The following SCAF11 variants were observed in gnomAD, a reference collection of about 807,000 sequenced individuals.
SCAF11 encodes protein SCAF11.
SCAF11 carries 47 observed loss-of-function variants against 140.5 expected under a neutral mutation model. The ratio of observed to expected loss-of-function variants is 0.33; its 90% CI spans 0.26 to 0.43. The LOEUF (loss-of-function observed/expected upper bound fraction) is 0.43, where lower values mean the gene tolerates loss of function less well. Among genes scored for constraint, SCAF11 ranks in the 20% least tolerant of loss-of-function variants. The pLI, the probability that SCAF11 is intolerant of heterozygous loss-of-function variation, is 1.00. For synonymous variants in SCAF11, 557 were observed against 579.4 expected (o/e 0.96, Z 0.55); for missense variants, 1,645 against 1,705.1 (o/e 0.96, Z 0.62).
chr12:45,927,019 A>C lies in SCAF11; in HGVS notation c.2682T>G (p.Ser894=), dbSNP rs1303996086. 1.2e-6 allele frequency: 2 copies of C among 1,613,596 alleles called. No individual in the cohort carries two copies. The highest frequency in any genetic ancestry group is 1.7e-6 in the Non-Finnish European group (2 of 1,180,028). ...RRETSRENKR[S]QPRVKDSSPG... is the part of the protein sequence containing the mutation. Reference sequence around the variant, plus strand: ...GGGAAGAATCTTTCACTCTTGGCTGAGATCTTTTGTTCTCTCTAGAAGTTT... The same window carrying C: ...GGGAAGAATCTTTCACTCTTGGCTGCGATCTTTTGTTCTCTCTAGAAGTTT... The change falls in exon 11 of 15, where the codon TCT becomes TCG. Residue 894 remains serine (S), a synonymous_variant. Transcript: ENST00000369367.
rs1944656946 is a variant in SCAF11, at chr12:45,919,571, A to C, written c.*2477T>G. On this transcript the variant is annotated 3_prime_UTR_variant, in exon 15 of 15. Transcript: ENST00000369367. ...ATTAAGTTTGTGCCCATGCAAAATT[A>C]ACATAAATTTCTTAACTCAAGAATG... The C allele has an allele frequency of 6.6e-6, 1 of 152,178 alleles. No homozygotes were observed. The highest frequency in any genetic ancestry group is 1.5e-5 in the Non-Finnish European group (1 of 68,034). The allele number at this position is 152,178 out of a possible 1,614,324, so 9.4% of individuals were successfully genotyped here.
At chr12:45,986,067 T>C (rs1015636296) in intron 1 of SCAF11, among the ~76,000 whole-genome samples, 19 of 152,178 alleles carry the variant, frequency 1.2e-4, no homozygotes, top group Non-Finnish European at 2.2e-4. Context: ...TTAGAGGTCA[T>C]TGTGGTTCCA....
intron 11 of SCAF11, 61 bp downstream of exon 11, chr12:45,926,081 C>T (rs1592163915): frequency 6.8e-7 from 1 of 1,472,338 alleles, no homozygotes; most frequent in Non-Finnish European, 9.1e-7. Flanking sequence ...ATACAAATAA[C>T]ATATTAAATT....
At chr12:45,944,601 A>G (rs922351844) in intron 6 of SCAF11, among the ~76,000 whole-genome samples, 1 of 152,228 alleles carries the variant, frequency 6.6e-6, no homozygotes, top group Middle Eastern at 3.2e-3. Flanking sequence ...GATCATAGTA[A>G]GATGTTCTTT....
In SCAF11 at chr12:45,919,242, T is replaced by G. The variant is rs1421953211; in HGVS notation, c.*2806A>C. 1 of 152,252 alleles carries G rather than the reference T, an allele frequency of 6.6e-6. No homozygotes were observed. Among genetic ancestry groups the G allele is most frequent in the African/African-American group, 2.4e-5 (1 of 41,454 alleles). 9.4% of individuals were successfully genotyped at this position (152,252 alleles called of 1,614,324 possible). A position where few individuals can be genotyped will look rare whatever the true frequency, so the allele number is the denominator to read the frequency against. On this transcript the variant is annotated 3_prime_UTR_variant, in exon 15 of 15. Transcript: ENST00000369367. ...ACTTCATAATACAAACAATATCTCA[T>G]GGACCCTGGGGCAATCACTGTGCTT... is the stretch of plus-strand genomic sequence containing the variant.
chr12:45,990,466 G>A lies in SCAF11; in HGVS notation c.-135C>T. The stretch of plus-strand genomic sequence containing the variant: ...TGGACTCCTTCGTCCGCTTTGTGGT[G>A]TTACAGGGTCTCTAGGACACTGACT... On this transcript the variant is annotated 5_prime_UTR_variant, in exon 1 of 15. Coordinates refer to ENST00000369367, the MANE Select transcript of SCAF11 (RefSeq NM_004719.3). 1 of 1,231,646 alleles carries A rather than the reference G, an allele frequency of 8.1e-7. No individual in the cohort carries two copies. Among genetic ancestry groups the A allele is most frequent in the Non-Finnish European group, 1.0e-6 (1 of 988,014 alleles). 76.3% of individuals were successfully genotyped at this position (1,231,646 alleles called of 1,614,324 possible).
intron 10 of SCAF11, chr12:45,931,109 C>G (rs1945034327): frequency 6.6e-6 from 1 of 152,444 alleles, no homozygotes; most frequent in Non-Finnish European, 1.5e-5. Flanking sequence ...AATCTACAAT[C>G]TAGTTCTACG....
At chr12:45,980,222 T>C (rs890067676) in intron 1 of SCAF11, among the ~76,000 whole-genome samples, 6 of 152,170 alleles carry the variant, frequency 3.9e-5, no homozygotes, top group Non-Finnish European at 8.8e-5. Flanking sequence ...CCAGAAATCA[T>C]GAGTATTCAA....
In SCAF11 at chr12:45,935,851, G is replaced by A. The variant is rs559764700; in HGVS notation, c.464-1346C>T. Among the ~76,000 whole-genome samples the A allele has an allele frequency of 4.6e-5, 7 of 152,268 alleles. No homozygotes were observed. The South Asian group carries it at 6.2e-4, about 14-fold the overall frequency. On this transcript the variant is annotated intron_variant, in intron 6 of 14. Coordinates refer to ENST00000369367, the MANE Select transcript of SCAF11 (RefSeq NM_004719.3). ...TTCAATGGCAATCTCTAAAGTATTC[G>A]ATACTGGTGAATTTGTCTAAATTGT...
At chr12:45,980,888 A>C (rs1946334300) in intron 1 of SCAF11, among the ~76,000 whole-genome samples, 1 of 152,160 alleles carries the variant, frequency 6.6e-6, no homozygotes, top group South Asian at 2.1e-4. Flanking sequence ...TCCTCCCAAA[A>C]TACACTAATA....
At chr12:45,956,258 T>C (rs1479220042) in intron 3 of SCAF11, 4 of 678,210 alleles carry the variant, frequency 5.9e-6, no homozygotes, top group African/African-American at 3.6e-5. Context: ...CCTATGTTTA[T>C]AGGTAGGTTT....
chr12:45,922,646 C>G, intron 13 of SCAF11, 64 bp from the exon 14 acceptor site: 1 of 1,470,204 alleles, frequency 6.8e-7, no homozygotes, highest in Non-Finnish European at 9.1e-7. Context: ...AAATCCCAAA[C>G]AAGAAATTGA....
intron 6 of SCAF11, among the ~76,000 whole-genome samples, chr12:45,937,249 GAACTT>G (rs766507492): frequency 3.7e-4 from 56 of 151,896 alleles, no homozygotes; most frequent in South Asian, 6.2e-4. Context: ...TGAGACTTAA[GAACTT>G]ATCTTCTACT....
intron 9 of SCAF11, 28 bp from the exon 10 acceptor site, chr12:45,931,640 T>A: frequency 8.2e-7 from 1 of 1,216,456 alleles, no homozygotes. Context: ...ACATTTTTGT[T>A]TAAATGGTTT....
At chr12:45,940,583 A>T (rs1332175871) in intron 6 of SCAF11, among the ~76,000 whole-genome samples, 2 of 152,216 alleles carry the variant, frequency 1.3e-5, no homozygotes. Flanking sequence ...AAGACTTTAC[A>T]AAATGATGTT....
chr12:45,978,631 TC>T (rs1946287222), intron 1 of SCAF11, among the ~76,000 whole-genome samples: 1 of 152,130 alleles, frequency 6.6e-6, no homozygotes, highest in African/African-American at 2.4e-5. Context: ...AAGAAAGGCA[TC>T]TTGGATGGAC....
intron 10 of SCAF11, chr12:45,931,118 C>T (rs532961202): frequency 2.6e-5 from 4 of 152,674 alleles, no homozygotes; most frequent in East Asian, 1.9e-4. Flanking sequence ...TCTAGTTCTA[C>T]GAGATCAACT....
At chr12:45,943,961 A>G (rs1202450610) in intron 6 of SCAF11, among the ~76,000 whole-genome samples, 1 of 152,188 alleles carries the variant, frequency 6.6e-6, no homozygotes, top group Non-Finnish European at 1.5e-5. Flanking sequence ...CTTATAAATG[A>G]GCTTTACTAT....
chr12:45,981,052 T>C (rs1487395779), intron 1 of SCAF11, among the ~76,000 whole-genome samples: 1 of 152,224 alleles, frequency 6.6e-6, no homozygotes, highest in East Asian at 1.9e-4. Flanking sequence ...AGAGTATATA[T>C]AGTTGGTTTT....
Sources: gnomAD v4.1 joint callset for allele counts (sites outside exome capture counted in the v4.1 genomes callset) on GRCh38, gnomAD v4.1.1 for gene constraint, MANE v1.5 for transcripts, NCBI Gene and HGNC (gene_info 2026-07-23, HGNC 2026-07-21) for gene names.